The following SPAG16 variants were observed in gnomAD, a reference collection of about 807,000 sequenced individuals.
SPAG16 encodes sperm associated antigen 16, also known as sperm-associated antigen 16 protein.
In SPAG16, 86 loss-of-function variants were observed where a neutral mutation model predicts 80.4. The ratio of observed to expected loss-of-function variants is 1.07; its 90% CI spans 0.90 to 1.28. The LOEUF (loss-of-function observed/expected upper bound fraction) is 1.28. SPAG16 is among the 50% of genes most tolerant of loss of function. The pLI is 0.00. For missense variants in SPAG16, 870 were observed against 765.3 expected (o/e 1.14, Z -1.61); for synonymous variants, 294 against 265.9 (o/e 1.11, Z -1.03).
At chr2:213,550,971 A>G (rs2076761913) in intron 10 of SPAG16, among the ~76,000 whole-genome samples, 1 of 152,106 alleles carries the variant, frequency 6.6e-6, no homozygotes, top group African/African-American at 2.4e-5. Context: ...TCTAATAAAT[A>G]CTTTTTATGT....
At chr2:213,951,644 G>C (rs1413918651) in intron 12 of SPAG16, among the ~76,000 whole-genome samples, 1 of 151,952 alleles carries the variant, frequency 6.6e-6, no homozygotes, top group Non-Finnish European at 1.5e-5. Context: ...CAGTTTACAA[G>C]GATAAACAAA....
At chr2:213,519,544 A>G (rs191615296) in intron 10 of SPAG16, among the ~76,000 whole-genome samples, 2 of 152,338 alleles carry the variant, frequency 1.3e-5, no homozygotes, top group Admixed American at 6.5e-5. Context: ...GCCTTCTGCC[A>G]TGATTGTGAG....
chr2:213,907,463 G>A (rs940193038), intron 11 of SPAG16, among the ~76,000 whole-genome samples: 5 of 132,448 alleles, frequency 3.8e-5, no homozygotes, highest in South Asian at 6.6e-4. Context: ...GGAAAACAGC[G>A]TGGAGGTTTC....
At chr2:214,195,615 G>T (rs2057813243) in intron 15 of SPAG16, among the ~76,000 whole-genome samples, 1 of 151,962 alleles carries the variant, frequency 6.6e-6, no homozygotes, top group Non-Finnish European at 1.5e-5. Flanking sequence ...TAAGGCAAGT[G>T]ACTTGACCCC....
chr2:214,380,645 CAG>C, intron 15 of SPAG16, among the ~76,000 whole-genome samples: 1 of 152,270 alleles, frequency 6.6e-6, no homozygotes, highest in East Asian at 1.9e-4. Flanking sequence ...GAACTTAAAA[CAG>C]AGCATATCTT....
At chr2:214,243,674 A>G (rs16825126) in intron 15 of SPAG16, among the ~76,000 whole-genome samples, 82,092 of 151,894 alleles carry the variant, frequency 0.54, 24,848 homozygotes, top group South Asian at 0.7. Flanking sequence ...TTAAATGTCA[A>G]TAATTATCTT....
chr2:214,062,018 C>T (rs1559748688), intron 13 of SPAG16, among the ~76,000 whole-genome samples: 1 of 149,038 alleles, frequency 6.7e-6, no homozygotes, highest in African/African-American at 2.5e-5. Context: ...CACACACACA[C>T]ACGCAGTGTG....
chr2:213,954,139 A>ATTTT (rs367719207), intron 12 of SPAG16, among the ~76,000 whole-genome samples: 1 of 141,450 alleles, frequency 7.1e-6, no homozygotes, highest in Non-Finnish European at 1.5e-5. Context: ...AGTCACTCCT[A>ATTTT]TTTTTTTTTT....
intron 10 of SPAG16, among the ~76,000 whole-genome samples, chr2:213,839,090 T>C (rs1280922767): frequency 6.6e-6 from 1 of 151,354 alleles, no homozygotes; most frequent in Non-Finnish European, 1.5e-5. Flanking sequence ...GAAAAGCCAA[T>C]CCTCAGAGAC....
intron 11 of SPAG16, among the ~76,000 whole-genome samples, chr2:213,922,596 G>A (rs990186590): frequency 1.3e-5 from 2 of 152,126 alleles, no homozygotes; most frequent in African/African-American, 4.8e-5. Flanking sequence ...GAGGAAAGAA[G>A]GTACTCTGGC....
intron 10 of SPAG16, among the ~76,000 whole-genome samples, chr2:213,659,468 G>GATAGTTACATCATTTTTTAAAAT: frequency 6.6e-6 from 1 of 152,124 alleles, no homozygotes; most frequent in South Asian, 2.1e-4. Context: ...ATAAAGTTAG[G>GATAGTTACATCATTTTTTAAAAT]ATAGTTACAT....
At chr2:214,301,553 CT>C (rs1478037003) in intron 15 of SPAG16, among the ~76,000 whole-genome samples, 1 of 152,072 alleles carries the variant, frequency 6.6e-6, no homozygotes, top group Non-Finnish European at 1.5e-5. Flanking sequence ...TTCCTCTAGG[CT>C]TTCTAGTTTG....
At chr2:213,760,856 A>G (rs913996655) in intron 10 of SPAG16, among the ~76,000 whole-genome samples, 4 of 152,214 alleles carry the variant, frequency 2.6e-5, no homozygotes, top group African/African-American at 9.7e-5. Flanking sequence ...CCTATGGCAG[A>G]AGGCATTAGA....
chr2:214,151,714 G>A (rs1299292808), intron 15 of SPAG16, among the ~76,000 whole-genome samples: 2 of 151,584 alleles, frequency 1.3e-5, no homozygotes, highest in East Asian at 3.9e-4. Flanking sequence ...GAACTAAATT[G>A]TGCAGTTATA....
At chr2:214,188,349 G>A (rs540487798) in intron 15 of SPAG16, among the ~76,000 whole-genome samples, 2 of 152,246 alleles carry the variant, frequency 1.3e-5, no homozygotes, top group African/African-American at 4.8e-5. Flanking sequence ...TATAAAGCAA[G>A]TACCATTTGC....
chr2:213,752,898 C>T (rs2068145196), intron 10 of SPAG16, among the ~76,000 whole-genome samples: 1 of 152,224 alleles, frequency 6.6e-6, no homozygotes, highest in Non-Finnish European at 1.5e-5. Flanking sequence ...TGAATAAAAG[C>T]TTACAAACCA....
intron 9 of SPAG16, among the ~76,000 whole-genome samples, chr2:213,381,955 C>G (rs992247747): frequency 6.6e-6 from 1 of 152,176 alleles, no homozygotes; most frequent in Non-Finnish European, 1.5e-5. Flanking sequence ...TGTCTTTCAG[C>G]GCTCCCATTG....
intron 11 of SPAG16, among the ~76,000 whole-genome samples, chr2:213,878,837 T>A (rs751470071): frequency 8.5e-5 from 13 of 152,074 alleles, no homozygotes; most frequent in South Asian, 2.1e-4. Flanking sequence ...TGGTGGGAGA[T>A]AGGGGTCCAG....
At chr2:214,079,447 T>C (rs1414858430) in intron 13 of SPAG16, among the ~76,000 whole-genome samples, 1 of 152,234 alleles carries the variant, frequency 6.6e-6, no homozygotes, top group East Asian at 1.9e-4. Context: ...AAAAGCTAAA[T>C]TTTGCTACAG....
Sources: gnomAD v4.1 joint callset for allele counts (sites outside exome capture counted in the v4.1 genomes callset) on GRCh38, gnomAD v4.1.1 for gene constraint, MANE v1.5 for transcripts, NCBI Gene and HGNC (gene_info 2026-07-23, HGNC 2026-07-21) for gene names.